Variants in SLC35B3 observed in about 807,000 individuals in gnomAD.
The protein encoded by SLC35B3 is solute carrier family 35 member B3.
In SLC35B3, 35 loss-of-function variants were observed where a neutral mutation model predicts 44.1. The observed-to-expected ratio is 0.79, with a 90% CI of 0.61 to 1.05. The LOEUF (loss-of-function observed/expected upper bound fraction) is 1.05. Ranked by LOEUF, SLC35B3 falls within the 50% of genes least tolerant of loss-of-function variation. The probability of loss-of-function intolerance (pLI) is 0.00; values close to 1 mark genes in which losing one functional copy is unlikely to be tolerated. For missense variants in SLC35B3, 414 were observed against 476.4 expected, an observed-to-expected ratio of 0.87 and a Z score of 1.22; for synonymous variants, 146 against 167.3, an observed-to-expected ratio of 0.87 and a Z score of 0.98.
intron 9 of SLC35B3, among the ~76,000 whole-genome samples, chr6:8,415,208 T>TA (rs1762311950): frequency 6.6e-6 from 1 of 152,088 alleles, no homozygotes; most frequent in African/African-American, 2.4e-5. Context: ...TTAATACAGT[T>TA]AAATGTTAAA....
At position 8,432,126 on chromosome 6, in the gene SLC35B3, A is replaced by T. The variant is rs1764048346; in HGVS notation, c.4-1969T>A. On this transcript the variant is annotated intron_variant, in intron 2 of 10. Transcript: ENST00000644923. The surrounding 1 kb of genome is among the most constrained non-coding windows in gnomAD (Gnocchi z 4.8). ...TCTGTGTCCTTGGTACCTGGCATAT[A>T]CTCTGACCTGATATTCAGATGAACC... 6.6e-6 allele frequency among the ~76,000 whole-genome samples: 1 copy of T among 152,028 alleles called. No homozygotes were observed. The highest frequency in any genetic ancestry group is 1.5e-5 in the Non-Finnish European group (1 of 68,024).
At position 8,413,225 on chromosome 6, in the gene SLC35B3, A is replaced by G. The variant is rs1349443137; in HGVS notation, c.*324T>C. 4.7e-6 allele frequency: 1 copy of G among 211,770 alleles called. No individual in the cohort carries two copies. The highest frequency in any genetic ancestry group is 9.3e-6 in the Non-Finnish European group (1 of 107,184). 13.1% of individuals were successfully genotyped at this position (211,770 alleles called of 1,614,324 possible). ...CTGCTATTACGTATCGATTTCTTTG[A>G]TAGGATATAATTATAGCCAATTAGT... On this transcript the variant is annotated 3_prime_UTR_variant, in exon 11 of 11. Transcript: ENST00000644923.
In SLC35B3 at chr6:8,419,522, C is replaced by T. The variant is rs915442978; in HGVS notation, c.780+58G>A. On this transcript the variant is annotated intron_variant, in intron 7 of 10. Coordinates refer to ENST00000644923, the MANE Select transcript of SLC35B3 (RefSeq NM_001370476.2). This position sits in a 1 kb window ranked among gnomAD's most constrained non-coding sequence, Gnocchi z 4.3. ...TTATAATAATTATTTCATCAAATTA[C>T]GTGTATCACCATTTTTTAAATCTGT... is the stretch of plus-strand genomic sequence containing the variant. The T allele has an allele frequency of 3.9e-5, 32 of 825,268 alleles. No individual in the cohort carries two copies. The highest frequency in any genetic ancestry group is 2.4e-4 in the East Asian group (9 of 37,262). 51.1% of individuals were successfully genotyped at this position (825,268 alleles called of 1,614,324 possible). A position where few individuals can be genotyped will look rare whatever the true frequency, so the allele number is the denominator to read the frequency against.
chr6:8,435,482 G>A lies in SLC35B3; in HGVS notation c.-183C>T, dbSNP rs2113607611. ...CTCGCCCACTCCTGCACTTTCCACC[G>A]CGGCGGTCGCCTCCCCGGAAAGCAC... On this transcript the variant is annotated 5_prime_UTR_variant, in exon 1 of 11. Transcript: ENST00000644923. The surrounding 1 kb of genome is among the most constrained non-coding windows in gnomAD (Gnocchi z 5.5). The A allele has an allele frequency of 3.0e-6, 3 of 1,007,362 alleles. No individual in the cohort carries two copies. The highest frequency in any genetic ancestry group is 2.8e-5 in the Admixed American group (1 of 35,356). The allele number at this position is 1,007,362 out of a possible 1,614,324, so 62.4% of individuals were successfully genotyped here. A position where few individuals can be genotyped will look rare whatever the true frequency, so the allele number is the denominator to read the frequency against.
At chr6:8,430,432 C>CT (rs60906287) in intron 2 of SLC35B3, among the ~76,000 whole-genome samples, 75,732 of 151,932 alleles carry the variant, frequency 0.5, 19,786 homozygotes, top group African/African-American at 0.67. Flanking sequence ...CATCAAAGAA[C>CT]TAAACATGTC....
chr6:8,422,370 T>G, intron 5 of SLC35B3, 100 bp downstream of exon 4: 1 of 901,330 alleles, frequency 1.1e-6, no homozygotes, highest in Non-Finnish European at 1.7e-6. Context: ...TCTAGAATGC[T>G]CATTGAAAAT....
chr6:8,418,101 C>T (rs2113302833), intron 7 of SLC35B3, among the ~76,000 whole-genome samples: 1 of 152,194 alleles, frequency 6.6e-6, no homozygotes. Context: ...TCTTAGTTAT[C>T]ATAATCCAAT....
chr6:8,429,696 T>A (rs1763771762), intron 3 of SLC35B3, 168 bp downstream of exon 2: 1 of 384,386 alleles, frequency 2.6e-6, no homozygotes. Flanking sequence ...ATTTAACTCT[T>A]GAATTTTGAT....
At position 8,420,936 on chromosome 6, in the gene SLC35B3, C is replaced by G; in HGVS notation, c.575-108G>C. 2 of 753,652 alleles carry G rather than the reference C, an allele frequency of 2.7e-6. No homozygotes were observed. Among genetic ancestry groups the G allele is most frequent in the Non-Finnish European group, 2.1e-6 (1 of 476,446 alleles). 46.7% of individuals were successfully genotyped at this position (753,652 alleles called of 1,614,324 possible). ...GGATTTGTTTTTTTATATCCAATGC[C>G]AAAAACGTGAACACTTAGGTCAAGG... On this transcript the variant is annotated intron_variant, in intron 5 of 10. Coordinates refer to ENST00000644923, the MANE Select transcript of SLC35B3 (RefSeq NM_001370476.2). This position sits in a 1 kb window ranked among gnomAD's most constrained non-coding sequence, Gnocchi z 4.4.
rs1055930511 is a variant in SLC35B3, at chr6:8,411,843, A to G, written c.*1706T>C. On this transcript the variant is annotated 3_prime_UTR_variant, in exon 11 of 11. Transcript: ENST00000644923. ...TAAGCTTTTTAAACCAGTATTATTT[A>G]TATTGAAAACGAAGAATAACAGTAT... Among the ~76,000 whole-genome samples, 4 of 152,214 alleles carry G rather than the reference A, an allele frequency of 2.6e-5. No homozygotes were observed. The highest frequency in any genetic ancestry group is 4.8e-5 in the African/African-American group (2 of 41,456).
intron 5 of SLC35B3, among the ~76,000 whole-genome samples, 188 bp downstream of exon 4, chr6:8,422,282 C>T (rs1169328757): frequency 6.6e-6 from 1 of 152,138 alleles, no homozygotes; most frequent in Non-Finnish European, 1.5e-5. Context: ...GGATTACAGG[C>T]GTGAGCCACT....
chr6:8,424,959 C>T (rs767192824), intron 4 of SLC35B3, among the ~76,000 whole-genome samples: 5 of 152,010 alleles, frequency 3.3e-5, no homozygotes, highest in African/African-American at 4.8e-5. Context: ...AGTAGCAGTA[C>T]CATTAAATAA....
chr6:8,417,265 T>A, intron 8 of SLC35B3, 137 bp downstream of exon 7: 1 of 643,242 alleles, frequency 1.6e-6, no homozygotes, highest in Non-Finnish European at 2.7e-6. Context: ...ATTTCTGAAA[T>A]TAATTTCCGA....
chr6:8,434,540 CTT>C lies in SLC35B3; in HGVS notation c.-43-112_-43-111del. The C allele has an allele frequency of 2.7e-6, 2 of 753,526 alleles. No individual in the cohort carries two copies. 46.7% of individuals were successfully genotyped at this position (753,526 alleles called of 1,614,324 possible). ...CCTGTGCTAATGTTTGAAGACTATT[CTT>C]TTTTTTTTCCAAGAGAAAAAGTTAA... On this transcript the variant is annotated intron_variant, in intron 1 of 10. Coordinates refer to ENST00000644923, the MANE Select transcript of SLC35B3 (RefSeq NM_001370476.2). The surrounding 1 kb of genome is among the most constrained non-coding windows in gnomAD (Gnocchi z 6.3).
chr6:8,432,766 T>C lies in SLC35B3; in HGVS notation c.3+1619A>G, dbSNP rs774782036. Among the ~76,000 whole-genome samples, 2 of 152,152 alleles carry C rather than the reference T, an allele frequency of 1.3e-5. No homozygotes were observed. The highest frequency in any genetic ancestry group is 2.4e-5 in the African/African-American group (1 of 41,412). ...TGTGTTAGCTGTCATCCTTCAACTT[T>C]TTAGAAATATTGCTAGGGTGATATG... On this transcript the variant is annotated intron_variant, in intron 2 of 10. Transcript: ENST00000644923. The surrounding 1 kb of genome is among the most constrained non-coding windows in gnomAD (Gnocchi z 4.8).
Position 8,416,964 on chromosome 6 carries a change from A to G in SLC35B3, c.905T>C (p.Leu302Pro), listed in dbSNP as rs1330934958. Residue 302 changes from leucine (L) to proline (P), a missense_variant, in exon 9 of 11, where the codon CTT (leucine) becomes CCT (proline). Transcript: ENST00000644923. ...TCCAAAATATCCAGTGAGGGAAAAA[A>G]GGAACGCATAACCATAGGTCCGAAC... 6.2e-7 allele frequency: 1 copy of G among 1,604,650 alleles called. No individual in the cohort carries two copies. The highest frequency in any genetic ancestry group is 8.5e-7 in the Non-Finnish European group (1 of 1,175,898).
chr6:8,414,665 A>C (rs17143697), intron 10 of SLC35B3, among the ~76,000 whole-genome samples: 4,770 of 152,254 alleles, frequency 0.031, 264 homozygotes, highest in African/African-American at 0.11. Flanking sequence ...CAAAATGATA[A>C]ATTCAAAATA....
intron 4 of SLC35B3, among the ~76,000 whole-genome samples, chr6:8,427,363 C>T (rs1455729432): frequency 6.6e-6 from 1 of 152,216 alleles, no homozygotes; most frequent in East Asian, 1.9e-4. Context: ...CCCAAGGTCA[C>T]TATGCTGTGT....
chr6:8,435,503 A>G lies in SLC35B3; in HGVS notation c.-204T>C. 5 of 781,884 alleles carry G rather than the reference A, an allele frequency of 6.4e-6. No homozygotes were observed. Among genetic ancestry groups the G allele is most frequent in the Non-Finnish European group, 9.1e-6 (5 of 551,954 alleles). 48.4% of individuals were successfully genotyped at this position (781,884 alleles called of 1,614,324 possible). On this transcript the variant is annotated 5_prime_UTR_variant, in exon 1 of 11. Transcript: ENST00000644923. This position sits in a 1 kb window ranked among gnomAD's most constrained non-coding sequence, Gnocchi z 5.5. ...CACCGCGGCGGTCGCCTCCCCGGAA[A>G]GCACTCTCAACTCCGGCGCCCGCAG... is the stretch of plus-strand genomic sequence containing the variant.
Sources: allele counts gnomAD v4.1 joint callset (sites outside exome capture counted in the v4.1 genomes callset), GRCh38; gene constraint gnomAD v4.1.1; non-coding constraint Gnocchi (gnomAD v3.1); transcripts MANE v1.5; gene names NCBI Gene and HGNC (gene_info 2026-07-23, HGNC 2026-07-21).